MACF1: variants seen among roughly 807,000 people sequenced by gnomAD.
MACF1 encodes the protein microtubule-actin cross-linking factor 1.
MACF1 carries 193 observed loss-of-function variants against 854.8 expected under a neutral mutation model. The observed-to-expected ratio is 0.23, with a 90% CI of 0.20 to 0.25. The LOEUF (loss-of-function observed/expected upper bound fraction) is 0.25, where lower values mean the gene tolerates loss of function less well. Among genes scored for constraint, MACF1 ranks in the 10% least tolerant of loss-of-function variants. The pLI is 1.00. For synonymous variants in MACF1, 3,185 were observed against 3,226.7 expected, an observed-to-expected ratio of 0.99 and a Z score of 0.44; for missense variants, 7,722 against 8,929.1, an observed-to-expected ratio of 0.86 and a Z score of 5.45.
intron 61 of MACF1, among the ~76,000 whole-genome samples, chr1:39,426,091 A>G (rs1464176445): frequency 6.6e-6 from 1 of 152,204 alleles, no homozygotes; most frequent in East Asian, 1.9e-4. Context: ...TAAGAAAGAC[A>G]TAAAAATTAG....
At chr1:39,190,422 TGGA>T (rs1644241104) in intron 2 of MACF1, among the ~76,000 whole-genome samples, 212 of 111,574 alleles carry the variant, frequency 1.9e-3, no homozygotes, top group Admixed American at 2.6e-3. Context: ...TTTTTTTTGA[TGGA>T]ATCTTGCTTT....
At chr1:39,465,349 G>T (rs981018686) in intron 95 of MACF1, among the ~76,000 whole-genome samples, 3 of 152,112 alleles carry the variant, frequency 2.0e-5, no homozygotes, top group Admixed American at 6.5e-5. Context: ...TGAAGCTATG[G>T]TATCAGTCCA....
intron 2 of MACF1, among the ~76,000 whole-genome samples, chr1:39,190,816 G>A (rs896862523): frequency 6.6e-6 from 1 of 151,982 alleles, no homozygotes; most frequent in Non-Finnish European, 1.5e-5. Flanking sequence ...CCAACATGGC[G>A]AAACCCCGTC....
intron 2 of MACF1, 164 bp from the exon 3 acceptor site, chr1:39,249,850 A>G (rs1378969014): frequency 7.9e-6 from 4 of 509,226 alleles, no homozygotes; most frequent in Non-Finnish European, 1.0e-5. Context: ...ATCATTTCAC[A>G]TGTATTTTAT....
At chr1:39,256,582 T>C (rs1645099288) in intron 5 of MACF1, among the ~76,000 whole-genome samples, 1 of 151,946 alleles carries the variant, frequency 6.6e-6, no homozygotes, top group South Asian at 2.1e-4. Context: ...AGGGTATGAT[T>C]GAGGAGGCTA....
chr1:39,331,200 T>TTTTA lies in MACF1; in HGVS notation c.4615-3_4615-2insTTTA. ...TTTTTTTTTTTTTTTTTTTTTTTTT[T>TTTTA]AGGAATGCAGAGCAGTTGCTGGGGT... On this transcript the variant is annotated splice_polypyrimidine_tract_variant and splice_region_variant and intron_variant, in intron 36 of 100. Transcript: ENST00000564288. The TTTTA allele has an allele frequency of 8.9e-7, 1 of 1,122,970 alleles. No individual in the cohort carries two copies. Among genetic ancestry groups the TTTTA allele is most frequent in the Non-Finnish European group, 1.2e-6 (1 of 866,286 alleles). The allele number at this position is 1,122,970 out of a possible 1,614,324, so 69.6% of individuals were successfully genotyped here.
Position 39,451,739 on chromosome 1 carries a change from T to A in MACF1, c.20419-417T>A, listed in dbSNP as rs1440584724. On this transcript the variant is annotated intron_variant, in intron 85 of 100. Transcript: ENST00000564288. ...CAGATGTTTTTATTTCCCATAATTC[T>A]GGAAACGTTAGTATAATGGTTACCA... Among the ~76,000 whole-genome samples the A allele has an allele frequency of 2.0e-5, 3 of 152,232 alleles. No individual in the cohort carries two copies. The East Asian group carries it at 5.8e-4, about 29-fold the overall frequency.
chr1:39,432,282 G>T (rs1016193053), intron 66 of MACF1, among the ~76,000 whole-genome samples: 12 of 152,152 alleles, frequency 7.9e-5, no homozygotes, highest in African/African-American at 2.2e-4. Context: ...TTTTGAAGGG[G>T]ATTGATATCT....
At chr1:39,263,771 C>CTTTTTTTTTTTTTTTTTTTTTTTTTTT (rs11453750) in intron 6 of MACF1, among the ~76,000 whole-genome samples, 4 of 100,166 alleles carry the variant, frequency 4.0e-5, no homozygotes, top group Non-Finnish European at 3.6e-5. Context: ...TTTCTTTTTT[C>CTTTTTTTTTTTTTTTTTTTTTTTTTTT]TTTTTTTTTT....
intron 2 of MACF1, among the ~76,000 whole-genome samples, chr1:39,136,019 C>T (rs1643158423): frequency 6.6e-6 from 1 of 152,102 alleles, no homozygotes; most frequent in African/African-American, 2.4e-5. Context: ...ATATATGTAC[C>T]TATATGTGTA....
At chr1:39,398,008 C>T (rs966056828) in intron 58 of MACF1, among the ~76,000 whole-genome samples, 3 of 152,076 alleles carry the variant, frequency 2.0e-5, no homozygotes, top group African/African-American at 7.2e-5. Context: ...GTTAAAATAA[C>T]TTGTTCGAGC....
intron 1 of MACF1, among the ~76,000 whole-genome samples, chr1:39,209,511 G>A (rs6683629): frequency 0.03 from 4,572 of 152,188 alleles, 233 homozygotes; most frequent in African/African-American, 0.1. Context: ...GAAGGAGTTG[G>A]ATAATATGAT....
chr1:39,280,651 C>T (rs1378624660), intron 6 of MACF1, among the ~76,000 whole-genome samples: 1 of 152,156 alleles, frequency 6.6e-6, no homozygotes, highest in Non-Finnish European at 1.5e-5. Context: ...AATTTCAGCT[C>T]ACCACAACCT....
intron 95 of MACF1, among the ~76,000 whole-genome samples, chr1:39,466,496 G>C (rs1644670430): frequency 6.6e-6 from 1 of 152,196 alleles, no homozygotes; most frequent in Non-Finnish European, 1.5e-5. Flanking sequence ...AGTATTCCAA[G>C]AATAAAGTAC....
At chr1:39,390,356 G>A (rs971490776) in intron 58 of MACF1, among the ~76,000 whole-genome samples, 4 of 152,218 alleles carry the variant, frequency 2.6e-5, no homozygotes, top group East Asian at 1.9e-4. Flanking sequence ...TCCTAGAGAC[G>A]TCACAGTTTT....
chr1:39,328,209 T>A (rs923343172), intron 36 of MACF1, among the ~76,000 whole-genome samples: 1 of 152,316 alleles, frequency 6.6e-6, no homozygotes, highest in Non-Finnish European at 1.5e-5. Context: ...CAAAACCAGC[T>A]ATGATTTGAT....
chr1:39,172,140 T>A (rs1171860074), intron 2 of MACF1, among the ~76,000 whole-genome samples: 1 of 152,194 alleles, frequency 6.6e-6, no homozygotes, highest in Non-Finnish European at 1.5e-5. Flanking sequence ...GTGTGGACTG[T>A]TATCCAGCTC....
intron 14 of MACF1, among the ~76,000 whole-genome samples, chr1:39,286,327 T>C (rs1026375485): frequency 1.3e-5 from 2 of 152,086 alleles, no homozygotes; most frequent in Non-Finnish European, 2.9e-5. Context: ...TCTCATATAT[T>C]TTAGAACGAC....
At chr1:39,148,797 A>G (rs367576677) in intron 2 of MACF1, among the ~76,000 whole-genome samples, 1 of 152,264 alleles carries the variant, frequency 6.6e-6, no homozygotes, top group Non-Finnish European at 1.5e-5. Flanking sequence ...TTTTAAAAAG[A>G]TAAATTCCTA....
Sources: gnomAD v4.1 joint callset for allele counts (sites outside exome capture counted in the v4.1 genomes callset) on GRCh38, gnomAD v4.1.1 for gene constraint, MANE v1.5 for transcripts, NCBI Gene and HGNC (gene_info 2026-07-23, HGNC 2026-07-21) for gene names.